WDR48: variants seen among roughly 807,000 people sequenced by gnomAD.
WDR48 encodes WD repeat domain 48, also known as WD repeat-containing protein 48.
A neutral mutation model predicts 94.0 loss-of-function variants in WDR48; 22 were observed. That is an observed-to-expected ratio of 0.23 (90% CI 0.17 to 0.33). The LOEUF is 0.33. Among genes scored for constraint, WDR48 ranks in the 10% least tolerant of loss-of-function variants. The probability of loss-of-function intolerance (pLI) is 1.00; values close to 1 mark genes in which losing one functional copy is unlikely to be tolerated. For synonymous variants in WDR48, 278 were observed against 280.5 expected, an observed-to-expected ratio of 0.99 and a Z score of 0.09; for missense variants, 541 against 813.8, an observed-to-expected ratio of 0.66 and a Z score of 4.08.
intron 4 of WDR48, 37 bp from the exon 5 acceptor site, chr3:39,066,709 C>T: frequency 6.2e-7 from 1 of 1,613,554 alleles, no homozygotes; most frequent in Non-Finnish European, 8.5e-7. Context: ...TATTACTGAT[C>T]TACAGAATAG....
intron 9 of WDR48, 106 bp downstream of exon 9, chr3:39,077,319 C>T (rs2034283065): frequency 2.4e-6 from 3 of 1,256,250 alleles, no homozygotes; most frequent in Non-Finnish European, 3.4e-6. Context: ...CTCTAGCATG[C>T]TTTTGGGCAG....
intron 13 of WDR48, 34 bp from the exon 14 acceptor site, chr3:39,085,481 C>G: frequency 6.5e-7 from 1 of 1,549,476 alleles, no homozygotes. Context: ...ACTCGCTTTT[C>G]CATTTTATCT....
Position 39,052,090 on chromosome 3 carries a change from C to A in WDR48, c.48+17C>A. ...AAAGTGCAGGTATGGAAGCCCGGTT[C>A]CTCGGTCTTCCGGACGCGGCCGGCA... is the stretch of plus-strand genomic sequence containing the variant. On this transcript the variant is annotated intron_variant, in intron 1 of 18. Coordinates refer to ENST00000302313, the MANE Select transcript of WDR48 (RefSeq NM_020839.4). 1 of 1,613,166 alleles carries A rather than the reference C, an allele frequency of 6.2e-7. No homozygotes were observed. The highest frequency in any genetic ancestry group is 1.1e-5 in the South Asian group (1 of 91,034).
chr3:39,084,500 G>A (rs1575428269), intron 12 of WDR48, 145 bp from the exon 13 acceptor site: 1 of 635,274 alleles, frequency 1.6e-6, no homozygotes, highest in South Asian at 3.4e-5. Context: ...AAATTGTGTT[G>A]TTGCATTGAA....
At chr3:39,080,014 TC>T (rs2034436564) in intron 11 of WDR48, among the ~76,000 whole-genome samples, 1 of 149,750 alleles carries the variant, frequency 6.7e-6, no homozygotes. Flanking sequence ...AATCATTTTC[TC>T]TGGTTAGTGT....
chr3:39,057,753 G>C (rs1196081544), intron 1 of WDR48, among the ~76,000 whole-genome samples: 1 of 152,064 alleles, frequency 6.6e-6, no homozygotes. Context: ...CTCCTGACTA[G>C]CTGGGACTAC....
At chr3:39,084,443 GA>G (rs1186646811) in intron 12 of WDR48, among the ~76,000 whole-genome samples, 181 bp downstream of exon 12, 2 of 151,760 alleles carry the variant, frequency 1.3e-5, no homozygotes, top group Non-Finnish European at 1.5e-5. Flanking sequence ...TATTAAAAAA[GA>G]AAAAAATTTA....
chr3:39,094,428 GAAA>G, intron 18 of WDR48: 1 of 1,526,598 alleles, frequency 6.6e-7, no homozygotes, highest in Non-Finnish European at 8.8e-7. Flanking sequence ...AGGAATGGCT[GAAA>G]GATGGCCTGG....
At chr3:39,056,751 T>C (rs2032916305) in intron 1 of WDR48, among the ~76,000 whole-genome samples, 1 of 152,218 alleles carries the variant, frequency 6.6e-6, no homozygotes, top group Non-Finnish European at 1.5e-5. Context: ...TGCCAACCCA[T>C]GTGCCTTTTC....
In WDR48 at chr3:39,079,933, A is replaced by G. The variant is rs1048684792; in HGVS notation, c.1173+125A>G. On this transcript the variant is annotated intron_variant, in intron 11 of 18. Transcript: ENST00000302313. The stretch of plus-strand genomic sequence containing the variant: ...TTGCAGTAATACTTTATGGGGTGGT[A>G]TATACTTTCTTATATGAATATTAGA... The G allele has an allele frequency of 1.2e-5, 6 of 495,740 alleles. No homozygotes were observed. The African/African-American group carries it at 1.2e-4, about 10-fold the overall frequency. 30.7% of individuals were successfully genotyped at this position (495,740 alleles called of 1,614,324 possible).
Position 39,091,713 on chromosome 3 carries a change from T to C in WDR48, c.1745+12T>C. Reference sequence around the variant, plus strand: ...AAAACCTTAAAAAAGTAAGTAAATATATGGTTTCTTGATCTAATTAACTAC... The same window carrying C: ...AAAACCTTAAAAAAGTAAGTAAATACATGGTTTCTTGATCTAATTAACTAC... On this transcript the variant is annotated intron_variant, in intron 17 of 18. Coordinates refer to ENST00000302313, the MANE Select transcript of WDR48 (RefSeq NM_020839.4). The C allele has an allele frequency of 1.3e-6, 2 of 1,589,494 alleles. No individual in the cohort carries two copies. Among genetic ancestry groups the C allele is most frequent in the East Asian group, 2.3e-5 (1 of 44,364 alleles).
chr3:39,087,882 A>G (rs962837652), intron 14 of WDR48: 4 of 421,988 alleles, frequency 9.5e-6, no homozygotes, highest in Admixed American at 3.8e-5. Context: ...CTGAATCTCA[A>G]ACATTAATCT....
At chr3:39,084,892 C>G (rs1417672348) in intron 13 of WDR48, 151 bp downstream of exon 13, 4 of 583,638 alleles carry the variant, frequency 6.9e-6, no homozygotes, top group Non-Finnish European at 1.2e-5. Context: ...CTAATGTATA[C>G]AAATCATTTT....
chr3:39,068,920 C>G (rs2033772991), intron 6 of WDR48, 61 bp downstream of exon 6: 2 of 1,258,630 alleles, frequency 1.6e-6, no homozygotes, highest in Non-Finnish European at 2.2e-6. Context: ...ACCTTGTCTC[C>G]TATTTTTTAA....
At chr3:39,068,321 T>G (rs2033731126) in intron 5 of WDR48, among the ~76,000 whole-genome samples, 1 of 152,184 alleles carries the variant, frequency 6.6e-6, no homozygotes, top group Admixed American at 6.6e-5. Flanking sequence ...AATTCCTTCC[T>G]GAAAGGTTGT....
At chr3:39,081,666 G>A (rs966563261) in intron 11 of WDR48, among the ~76,000 whole-genome samples, 3 of 152,128 alleles carry the variant, frequency 2.0e-5, no homozygotes, top group Admixed American at 1.3e-4. Context: ...GCTGGACTTC[G>A]CCTCATGCTG....
At chr3:39,093,751 G>A in intron 17 of WDR48, 123 bp from the exon 18 acceptor site, 2 of 1,134,346 alleles carry the variant, frequency 1.8e-6, no homozygotes, top group Non-Finnish European at 2.4e-6. Flanking sequence ...TTAAGGTAAT[G>A]ACTAAAAACA....
chr3:39,074,191 G>A (rs751156319), intron 7 of WDR48, among the ~76,000 whole-genome samples: 3 of 152,164 alleles, frequency 2.0e-5, no homozygotes, highest in South Asian at 2.1e-4. Flanking sequence ...TAGATAATGC[G>A]AGTAGGGCTT....
chr3:39,094,585 T>C (rs1244083379), intron 18 of WDR48, 63 bp from the exon 19 acceptor site: 4 of 1,599,916 alleles, frequency 2.5e-6, no homozygotes, highest in Non-Finnish European at 2.6e-6. Flanking sequence ...AGTCCCTGAG[T>C]TAATGATAAG....
Sources: allele counts gnomAD v4.1 joint callset (sites outside exome capture counted in the v4.1 genomes callset), GRCh38; gene constraint gnomAD v4.1.1; transcripts MANE v1.5; gene names NCBI Gene and HGNC (gene_info 2026-07-23, HGNC 2026-07-21).